The following NKAIN2 variants were observed in gnomAD, a reference collection of about 807,000 sequenced individuals.
NKAIN2 encodes sodium/potassium-transporting ATPase subunit beta-1-interacting protein 2.
NKAIN2 carries 14 observed loss-of-function variants against 32.6 expected under a neutral mutation model. The ratio of observed to expected loss-of-function variants is 0.43; its 90% confidence interval spans 0.28 to 0.67. NKAIN2 has a LOEUF of 0.67. Ranked by LOEUF, NKAIN2 falls within the 30% of genes least tolerant of loss-of-function variation. NKAIN2 has a pLI of 0.17. For missense variants in NKAIN2, 198 were observed against 258.3 expected (o/e 0.77, Z 1.60); for synonymous variants, 80 against 87.2 (o/e 0.92, Z 0.46).
chr6:124,520,396 A>G (rs558831443), intron 3 of NKAIN2, among the ~76,000 whole-genome samples: 25 of 152,300 alleles, frequency 1.6e-4, no homozygotes, highest in African/African-American at 5.5e-4. Context: ...AAGCTGCTGC[A>G]CAAGAGAATA....
chr6:124,095,183 G>A (rs1269076905), intron 1 of NKAIN2, among the ~76,000 whole-genome samples: 1 of 152,102 alleles, frequency 6.6e-6, no homozygotes, highest in Admixed American at 6.6e-5. Context: ...TCATAAGAGA[G>A]TAAATGAAAC....
At chr6:123,932,213 T>TTC (rs960700471) in intron 1 of NKAIN2, among the ~76,000 whole-genome samples, 5 of 152,250 alleles carry the variant, frequency 3.3e-5, no homozygotes, top group African/African-American at 1.2e-4. Context: ...GTGACTTGCC[T>TTC]TCTCTCTCTT....
intron 4 of NKAIN2, among the ~76,000 whole-genome samples, chr6:124,705,647 C>A (rs370377215): frequency 6.6e-6 from 1 of 152,000 alleles, no homozygotes; most frequent in Non-Finnish European, 1.5e-5. Flanking sequence ...TAGAAACAGG[C>A]AAATTATGTC....
chr6:124,616,323 C>T (rs1283637924), intron 3 of NKAIN2, among the ~76,000 whole-genome samples: 1 of 151,730 alleles, frequency 6.6e-6, no homozygotes, highest in Admixed American at 6.6e-5. Flanking sequence ...CTGGCAGTAG[C>T]TCACTTGGCC....
At chr6:124,379,894 G>A (rs571333253) in intron 3 of NKAIN2, among the ~76,000 whole-genome samples, 1 of 152,126 alleles carries the variant, frequency 6.6e-6, no homozygotes, top group South Asian at 2.1e-4. Context: ...TGTGTTTTCA[G>A]AAAATTAACA....
In NKAIN2 at chr6:123,954,779, C is replaced by G. The variant is rs146839733; in HGVS notation, c.54+150525C>G. Among the ~76,000 whole-genome samples, 8 of 152,234 alleles carry G rather than the reference C, an allele frequency of 5.3e-5. No individual in the cohort carries two copies. In the East Asian group the frequency reaches 1.5e-3, roughly 29 times the overall value. ...CTCTGGCTTGTTTATTGTTGGGTAT[C>G]ACACTGCCTTCTCCCTTTGCTGACC... is the stretch of plus-strand genomic sequence containing the variant. On this transcript the variant is annotated intron_variant, in intron 1 of 6. Transcript: ENST00000368417.
At position 123,871,811 on chromosome 6, in the gene NKAIN2, A is replaced by G. The variant is rs112836857; in HGVS notation, c.54+67557A>G. Among the ~76,000 whole-genome samples, 1,234 of 152,342 alleles carry G rather than the reference A, an allele frequency of 8.1e-3. 11 individuals carry two copies. The highest frequency in any genetic ancestry group is 0.028 in the African/African-American group (1,145 of 41,584). On this transcript the variant is annotated intron_variant, in intron 1 of 6. Coordinates refer to ENST00000368417, the MANE Select transcript of NKAIN2 (RefSeq NM_001040214.3). ...AAGTTAAACATTTTATTTAATTTAAAACATATAAATATTCATTCATTGACT... is the reference window on the plus strand; with the variant it reads ...AAGTTAAACATTTTATTTAATTTAAGACATATAAATATTCATTCATTGACT...
intron 2 of NKAIN2, among the ~76,000 whole-genome samples, chr6:124,284,692 G>T (rs2114926600): frequency 6.6e-6 from 1 of 152,004 alleles, no homozygotes; most frequent in East Asian, 1.9e-4. Context: ...GACTAAAGGG[G>T]ATGTTCTATG....
At chr6:124,713,607 G>C (rs1193318942) in intron 4 of NKAIN2, among the ~76,000 whole-genome samples, 1 of 152,134 alleles carries the variant, frequency 6.6e-6, no homozygotes. Context: ...CCAAAAAACG[G>C]AGATGGGAGA....
intron 1 of NKAIN2, among the ~76,000 whole-genome samples, chr6:124,153,722 T>G (rs941508192): frequency 2.0e-5 from 3 of 151,758 alleles, no homozygotes; most frequent in African/African-American, 7.2e-5. Context: ...TTCAGTGACT[T>G]CATTAAATTC....
rs5879739 is a variant in NKAIN2 at position 124,472,718 on chromosome 6, TAA to T, written c.273+117382_273+117383del. Among the ~76,000 whole-genome samples the T allele has an allele frequency of 5.1e-3, 764 of 148,818 alleles. 7 individuals carry two copies. The highest frequency in any genetic ancestry group is 0.015 in the African/African-American group (631 of 40,742). On this transcript the variant is annotated intron_variant, in intron 3 of 6. Coordinates refer to ENST00000368417, the MANE Select transcript of NKAIN2 (RefSeq NM_001040214.3). ...GAGAAGAAAGGAGAGAGTAGGCAGATAAAAAAAAAAAAGACCAGATTATGAAG... is the reference window on the plus strand; with the variant it reads ...GAGAAGAAAGGAGAGAGTAGGCAGATAAAAAAAAAAGACCAGATTATGAAG...
intron 1 of NKAIN2, among the ~76,000 whole-genome samples, chr6:124,187,273 T>G (rs749891096): frequency 2.6e-5 from 4 of 152,232 alleles, no homozygotes; most frequent in Non-Finnish European, 5.9e-5. Context: ...TATTTGACTT[T>G]ATGCCTACTA....
At chr6:124,373,948 A>T (rs1442524696) in intron 3 of NKAIN2, among the ~76,000 whole-genome samples, 1 of 152,076 alleles carries the variant, frequency 6.6e-6, no homozygotes, top group Admixed American at 6.6e-5. Context: ...GACACAGAGG[A>T]GTCCAGGGAG....
At chr6:124,253,556 A>G (rs1476078644) in intron 1 of NKAIN2, among the ~76,000 whole-genome samples, 1 of 152,136 alleles carries the variant, frequency 6.6e-6, no homozygotes, top group Non-Finnish European at 1.5e-5. Context: ...TCCCTAGTCC[A>G]ATAGGACTCT....
At chr6:123,884,663 T>C (rs1041699895) in intron 1 of NKAIN2, among the ~76,000 whole-genome samples, 3 of 152,126 alleles carry the variant, frequency 2.0e-5, no homozygotes, top group African/African-American at 7.2e-5. Context: ...TTTGTTTAGA[T>C]ATTTTTTAGG....
intron 3 of NKAIN2, among the ~76,000 whole-genome samples, chr6:124,398,138 A>G (rs1339607341): frequency 1.3e-5 from 2 of 151,066 alleles, no homozygotes; most frequent in Non-Finnish European, 2.9e-5. Flanking sequence ...CTGTAGTCCC[A>G]GCTACTCGGG....
At chr6:124,115,699 A>G (rs1049199364) in intron 1 of NKAIN2, among the ~76,000 whole-genome samples, 3 of 152,226 alleles carry the variant, frequency 2.0e-5, no homozygotes, top group Admixed American at 1.3e-4. Flanking sequence ...TGAAGACATC[A>G]CATTTTCTGG....
chr6:123,899,861 A>T (rs2114408969), intron 1 of NKAIN2, among the ~76,000 whole-genome samples: 1 of 152,248 alleles, frequency 6.6e-6, no homozygotes. Flanking sequence ...CTGTAGGGTC[A>T]CCTGATCCCT....
At chr6:124,574,643 GAACA>G (rs1432204407) in intron 3 of NKAIN2, among the ~76,000 whole-genome samples, 1 of 151,870 alleles carries the variant, frequency 6.6e-6, no homozygotes, top group Non-Finnish European at 1.5e-5. Context: ...AAACAACAAT[GAACA>G]AACAAACAAA....
Sources: allele counts gnomAD v4.1 joint callset (sites outside exome capture counted in the v4.1 genomes callset), GRCh38; gene constraint gnomAD v4.1.1; transcripts MANE v1.5; gene names NCBI Gene and HGNC (gene_info 2026-07-23, HGNC 2026-07-21).